Variants in PLA2G2F observed in about 807,000 individuals in gnomAD.
PLA2G2F encodes the protein group IIF secretory phospholipase A2.
Under a neutral mutation model 15.9 loss-of-function variants are expected in PLA2G2F, and 17 were observed. The ratio of observed to expected loss-of-function variants is 1.07; its 90% CI spans 0.73 to 1.60. PLA2G2F has a LOEUF of 1.60. PLA2G2F is among the 40% of genes most tolerant of loss of function. PLA2G2F has a pLI of 0.00. For synonymous variants in PLA2G2F, 119 were observed against 106.5 expected, an observed-to-expected ratio of 1.12 and a Z score of -0.72; for missense variants, 299 against 278.2, an observed-to-expected ratio of 1.07 and a Z score of -0.53.
intron 4 of PLA2G2F, among the ~76,000 whole-genome samples, chr1:20,146,059 C>G (rs2017598081): frequency 6.6e-6 from 1 of 152,240 alleles, no homozygotes; most frequent in Admixed American, 6.5e-5. Context: ...ATTCTCCTGT[C>G]CCCCAAATTC....
Position 20,150,123 on chromosome 1 carries a change from C to G in PLA2G2F, c.*1722C>G, listed in dbSNP as rs139539761. 6.6e-6 allele frequency: 1 copy of G among 152,502 alleles called. No homozygotes were observed. The highest frequency in any genetic ancestry group is 2.1e-4 in the South Asian group (1 of 4,840). The allele number at this position is 152,502 out of a possible 1,614,324, so 9.4% of individuals were successfully genotyped here. The stretch of plus-strand genomic sequence containing the variant: ...GGAGGGGCCCACGCCCCCCACCCCC[C>G]ATGCCACACTGCCGCCTCTTGCTGG... On this transcript the variant is annotated 3_prime_UTR_variant, in exon 5 of 5. Coordinates refer to ENST00000375102, the MANE Select transcript of PLA2G2F (RefSeq NM_022819.4).
rs1220531852 is a variant in PLA2G2F, at chr1:20,139,538, C to T, written c.111C>T (p.Thr37=). Residue 37 remains threonine, a synonymous_variant, in exon 1 of 5, where the codon ACC becomes ACT. Coordinates refer to ENST00000375102, the MANE Select transcript of PLA2G2F (RefSeq NM_022819.4). The stretch of plus-strand genomic sequence containing the variant: ...TCGGGGCCTCCTGTCCTTCAAGAAC[C>T]TCCAGGTAGGTGCCTGTTGCCCTGA... ...PRFGASCPSR[T]SRSSLGMKKF... 12 of 1,529,832 alleles carry T rather than the reference C, an allele frequency of 7.8e-6. No homozygotes were observed. Among genetic ancestry groups the T allele is most frequent in the Non-Finnish European group, 8.8e-6 (10 of 1,136,268 alleles). 94.8% of individuals were successfully genotyped at this position (1,529,832 alleles called of 1,614,324 possible).
chr1:20,141,995 C>T (rs2017483717), intron 2 of PLA2G2F: 1 of 152,252 alleles, frequency 6.6e-6, no homozygotes, highest in Non-Finnish European at 1.5e-5. Flanking sequence ...CACTAAGGCA[C>T]ATTGAGGTGG....
At chr1:20,140,402 C>T in intron 2 of PLA2G2F, 184 bp downstream of exon 2, 1 of 608,316 alleles carries the variant, frequency 1.6e-6, no homozygotes, top group Non-Finnish European at 2.9e-6. Context: ...CTCCAGCCAC[C>T]TGTAAACATG....
At position 20,143,585 on chromosome 1, in the gene PLA2G2F, G is replaced by A; in HGVS notation, c.309G>A (p.Val103=). 3 of 1,613,838 alleles carry A rather than the reference G, an allele frequency of 1.9e-6. No individual in the cohort carries two copies. The highest frequency in any genetic ancestry group is 1.3e-5 in the African/African-American group (1 of 75,042). ...LGGRGQPKDE[V]DWCCHAHDCC... is the part of the protein sequence containing the mutation. Reference sequence around the variant, plus strand: ...GCCGTGGCCAGCCCAAGGATGAGGTGGACTGGTAGGTACCAGAGGCCTGGG... The same window carrying A: ...GCCGTGGCCAGCCCAAGGATGAGGTAGACTGGTAGGTACCAGAGGCCTGGG... The change falls in exon 3 of 5, where the codon GTG becomes GTA. Residue 103 remains valine, a synonymous_variant. Coordinates refer to ENST00000375102, the MANE Select transcript of PLA2G2F (RefSeq NM_022819.4).
At position 20,140,363 on chromosome 1, in the gene PLA2G2F, G is replaced by C. The variant is rs549145749; in HGVS notation, c.169+145G>C. The C allele has an allele frequency of 5.9e-6, 5 of 844,190 alleles. No homozygotes were observed. The African/African-American group carries it at 8.6e-5, about 14-fold the overall frequency. 52.3% of individuals were successfully genotyped at this position (844,190 alleles called of 1,614,324 possible). On this transcript the variant is annotated intron_variant, in intron 2 of 4. Transcript: ENST00000375102. ...TCTGCTTCTTGTCTCAGCCCAGCAG[G>C]CTGCACCCAATTCTGGGGCTGTTTA...
At chr1:20,148,153 T>C (rs1398473254) in intron 4 of PLA2G2F, 37 bp from the exon 5 acceptor site, 1 of 1,562,330 alleles carries the variant, frequency 6.4e-7, no homozygotes, top group Admixed American at 1.7e-5. Flanking sequence ...CTGCTGCCCC[T>C]TTCATCCACA....
In PLA2G2F at chr1:20,139,413, C is replaced by T; in HGVS notation, c.-15C>T. Reference sequence around the variant, plus strand: ...CTTCTGAGACCTATGTTGCTGGCCCCCCAGAACCCGCAACATGGCAGATGG... The same window carrying T: ...CTTCTGAGACCTATGTTGCTGGCCCTCCAGAACCCGCAACATGGCAGATGG... On this transcript the variant is annotated 5_prime_UTR_variant, in exon 1 of 5. Coordinates refer to ENST00000375102, the MANE Select transcript of PLA2G2F (RefSeq NM_022819.4). 6.5e-7 allele frequency: 1 copy of T among 1,547,754 alleles called. No individual in the cohort carries two copies. The highest frequency in any genetic ancestry group is 1.2e-5 in the South Asian group (1 of 84,008).
intron 4 of PLA2G2F, among the ~76,000 whole-genome samples, chr1:20,147,303 A>G (rs1488155525): frequency 6.6e-6 from 1 of 152,172 alleles, no homozygotes; most frequent in Non-Finnish European, 1.5e-5. Context: ...GCACCTAAGG[A>G]TGATTTCCGA....
At chr1:20,143,833 G>A in intron 3 of PLA2G2F, 1 of 475,590 alleles carries the variant, frequency 2.1e-6, no homozygotes, top group Non-Finnish European at 3.8e-6. Context: ...CCTCTCTCTA[G>A]GAAGGGACCT....
In PLA2G2F at chr1:20,148,354, G is replaced by A. The variant is rs766559813; in HGVS notation, c.589G>A (p.Glu197Lys). 6 of 1,614,046 alleles carry A rather than the reference G, an allele frequency of 3.7e-6. No individual in the cohort carries two copies. In the East Asian group the frequency reaches 6.7e-5, roughly 18 times the overall value. The change falls in exon 5 of 5, where the codon GAG (glutamate) becomes AAG (lysine). Residue 197 changes from glutamate (E) to lysine (K), a missense_variant. Physicochemically the swap from Glu to Lys is moderately conservative, Grantham distance 56. Coordinates refer to ENST00000375102, the MANE Select transcript of PLA2G2F (RefSeq NM_022819.4). ...CAGCATCTATGAACCGCCCCCTGAG[G>A]AGGTCACCTGCAGTCACCAATCCCC... ...NCSIYEPPPE[E>K]VTCSHQSPAP...
At chr1:20,143,643 G>T in intron 3 of PLA2G2F, 53 bp downstream of exon 3, 1 of 1,590,646 alleles carries the variant, frequency 6.3e-7, no homozygotes, top group South Asian at 1.1e-5. Context: ...GACAGCTGAA[G>T]GTCAGACTGA....
chr1:20,140,103 C>T lies in PLA2G2F; in HGVS notation c.117-63C>T, dbSNP rs543329134. On this transcript the variant is annotated intron_variant, in intron 1 of 4. Transcript: ENST00000375102. The stretch of plus-strand genomic sequence containing the variant: ...GTCCTGAGGCTCAGGAAGGGAGCAG[C>T]AGGTCCAACACTGCCAAGGGTGGAG... The T allele has an allele frequency of 1.1e-5, 17 of 1,545,808 alleles. No homozygotes were observed. In the African/African-American group the frequency reaches 2.0e-4, roughly 19 times the overall value.
At position 20,139,481 on chromosome 1, in the gene PLA2G2F, T is replaced by C. The variant is rs1190899808; in HGVS notation, c.54T>C (p.Asp18=). The C allele has an allele frequency of 6.9e-6, 11 of 1,583,618 alleles. 1 individual carries two copies. Among genetic ancestry groups the C allele is most frequent in the South Asian group, 2.3e-5 (2 of 86,496 alleles). The change falls in exon 1 of 5, where the codon GAT becomes GAC. Residue 18 remains aspartate, a synonymous_variant. Transcript: ENST00000375102. Reference sequence around the variant, plus strand: ...AAGGGTTCAAAAAGAAGGTGCTGGATAGATGCTTCTCTGGGTGGAGGGGCC... The same window carrying C: ...AAGGGTTCAAAAAGAAGGTGCTGGACAGATGCTTCTCTGGGTGGAGGGGCC... ...NPKGFKKKVL[D]RCFSGWRGPR...
At position 20,140,351 on chromosome 1, in the gene PLA2G2F, T is replaced by C. The variant is rs1024711692; in HGVS notation, c.169+133T>C. On this transcript the variant is annotated intron_variant, in intron 2 of 4. Transcript: ENST00000375102. ...TGTCTCTGGGCTTCTGCTTCTTGTCTCAGCCCAGCAGGCTGCACCCAATTC... is the reference window on the plus strand; with the variant it reads ...TGTCTCTGGGCTTCTGCTTCTTGTCCCAGCCCAGCAGGCTGCACCCAATTC... 6 of 969,446 alleles carry C rather than the reference T, an allele frequency of 6.2e-6. No homozygotes were observed. The Admixed American group carries it at 1.6e-4, about 26-fold the overall frequency. The allele number at this position is 969,446 out of a possible 1,614,324, so 60.1% of individuals were successfully genotyped here.
chr1:20,148,142 G>A, intron 4 of PLA2G2F, 48 bp from the exon 5 acceptor site: 1 of 1,466,970 alleles, frequency 6.8e-7, no homozygotes, highest in Non-Finnish European at 9.6e-7. Flanking sequence ...TCCTGGGGGA[G>A]CTGCTGCCCC....
At chr1:20,145,413 C>G (rs777235222) in intron 4 of PLA2G2F, among the ~76,000 whole-genome samples, 13 of 151,716 alleles carry the variant, frequency 8.6e-5, no homozygotes, top group Non-Finnish European at 1.6e-4. Flanking sequence ...TCCCAAGTAG[C>G]TGGGACTACA....
At position 20,144,597 on chromosome 1, in the gene PLA2G2F, A is replaced by G. The variant is rs1438112388; in HGVS notation, c.332A>G (p.Asp111Gly). 6.2e-6 allele frequency: 10 copies of G among 1,611,208 alleles called. No individual in the cohort carries two copies. The Admixed American group carries it at 1.7e-4, about 27-fold the overall frequency. The change falls in exon 4 of 5, where the codon GAC (aspartate) becomes GGC (glycine). Residue 111 changes from aspartate to glycine, a missense_variant. Asp to Gly is a moderately conservative substitution (Grantham distance 94). Coordinates refer to ENST00000375102, the MANE Select transcript of PLA2G2F (RefSeq NM_022819.4). Reference sequence around the variant, plus strand: ...CTCCCTAGGTGCTGCCACGCCCACGACTGCTGCTACCAGGAACTCTTTGAC... The same window carrying G: ...CTCCCTAGGTGCTGCCACGCCCACGGCTGCTGCTACCAGGAACTCTTTGAC... ...DEVDWCCHAHDCCYQELFDQG... is the reference protein window; with the variant it reads ...DEVDWCCHAHGCCYQELFDQG...
At chr1:20,139,674 A>G (rs1444441348) in intron 1 of PLA2G2F, 131 bp downstream of exon 1, 1 of 693,132 alleles carries the variant, frequency 1.4e-6, no homozygotes, top group Non-Finnish European at 2.3e-6. Flanking sequence ...TCATTTAGTC[A>G]ACCTTCACGT....
Sources: allele counts gnomAD v4.1 joint callset (sites outside exome capture counted in the v4.1 genomes callset), GRCh38; gene constraint gnomAD v4.1.1; transcripts MANE v1.5; gene names NCBI Gene and HGNC (gene_info 2026-07-23, HGNC 2026-07-21).